LRRC7: variants seen among roughly 807,000 people sequenced by gnomAD.
LRRC7 encodes leucine-rich repeat-containing protein 7.
Under a neutral mutation model 175.7 loss-of-function variants are expected in LRRC7, and 23 were observed. The observed-to-expected ratio is 0.13, with a 90% CI of 0.09 to 0.19. The LOEUF (loss-of-function observed/expected upper bound fraction) is 0.19, where lower values mean the gene tolerates loss of function less well. Among genes scored for constraint, LRRC7 ranks in the 10% least tolerant of loss-of-function variants. The probability of loss-of-function intolerance (pLI) is 1.00; values close to 1 mark genes in which losing one functional copy is unlikely to be tolerated. For synonymous variants in LRRC7, 685 were observed against 680.9 expected (o/e 1.01, Z -0.09); for missense variants, 1,354 against 1,904.7 (o/e 0.71, Z 5.38).
At position 70,122,688 on chromosome 1, in the gene LRRC7, T is replaced by G. The variant is rs1358201962; in HGVS notation, c.*801T>G. ...TAAAGGTCATTGTAGTTAAGTCTTTTTCACCACAAATTTAAGCAGTGGATG... is the reference window on the plus strand; with the variant it reads ...TAAAGGTCATTGTAGTTAAGTCTTTGTCACCACAAATTTAAGCAGTGGATG... On this transcript the variant is annotated 3_prime_UTR_variant, in exon 27 of 27. Coordinates refer to ENST00000651989, the MANE Select transcript of LRRC7 (RefSeq NM_001370785.2). The G allele has an allele frequency of 6.6e-6, 1 of 152,100 alleles. No homozygotes were observed. Among genetic ancestry groups the G allele is most frequent in the African/African-American group, 2.4e-5 (1 of 41,460 alleles). The allele number at this position is 152,100 out of a possible 1,614,324, so 9.4% of individuals were successfully genotyped here.
intron 9 of LRRC7, among the ~76,000 whole-genome samples, chr1:69,985,497 G>A (rs997058548): frequency 6.6e-6 from 1 of 152,126 alleles, no homozygotes. Context: ...CTGCTGCATT[G>A]AGATATAATT....
chr1:69,831,441 A>G (rs1306799308), intron 5 of LRRC7, among the ~76,000 whole-genome samples: 1 of 152,070 alleles, frequency 6.6e-6, no homozygotes, highest in East Asian at 1.9e-4. Flanking sequence ...TCATTTCTAT[A>G]AGATCAAGTT....
intron 13 of LRRC7, chr1:70,013,863 G>A (rs1656739148): frequency 6.6e-6 from 1 of 151,992 alleles, no homozygotes. Flanking sequence ...GCAATGAAAT[G>A]ATCAAAGATT....
chr1:70,054,839 C>T (rs1661027766), intron 23 of LRRC7, among the ~76,000 whole-genome samples: 1 of 101,358 alleles, frequency 9.9e-6, no homozygotes, highest in African/African-American at 3.7e-5. Context: ...ATCCACCCGC[C>T]TCAGCCTCCC....
chr1:69,676,761 G>A (rs1301965299), intron 1 of LRRC7, among the ~76,000 whole-genome samples: 2 of 151,952 alleles, frequency 1.3e-5, no homozygotes, highest in Non-Finnish European at 2.9e-5. Flanking sequence ...TTCCATTCTT[G>A]AAAACTGGTA....
intron 1 of LRRC7, among the ~76,000 whole-genome samples, chr1:69,581,359 G>T (rs1387594961): frequency 6.6e-6 from 1 of 152,126 alleles, no homozygotes; most frequent in Non-Finnish European, 1.5e-5. Context: ...TAGTGGAAAT[G>T]GAAAGAGATA....
chr1:69,690,205 C>T (rs1264102970), intron 2 of LRRC7, among the ~76,000 whole-genome samples: 1 of 152,166 alleles, frequency 6.6e-6, no homozygotes, highest in Non-Finnish European at 1.5e-5. Flanking sequence ...CACTTATTTT[C>T]CTAGCACCTC....
chr1:70,013,652 A>G (rs1229308109), intron 13 of LRRC7, among the ~76,000 whole-genome samples: 1 of 152,004 alleles, frequency 6.6e-6, no homozygotes, highest in Non-Finnish European at 1.5e-5. Context: ...GGGTAAAAAG[A>G]AAAAGTGCAA....
intron 8 of LRRC7, among the ~76,000 whole-genome samples, chr1:69,934,507 GGGGGT>G (rs1647769453): frequency 1.8e-3 from 177 of 98,176 alleles, no homozygotes; most frequent in Non-Finnish European, 2.6e-3. Flanking sequence ...GGGGGGGGCG[GGGGGT>G]GGGGGGTTTT....
At chr1:69,886,683 T>C (rs2101629650) in intron 7 of LRRC7, among the ~76,000 whole-genome samples, 1 of 148,210 alleles carries the variant, frequency 6.7e-6, no homozygotes, top group Non-Finnish European at 1.5e-5. Flanking sequence ...GTGATTTTGC[T>C]CATTAGTTGA....
chr1:70,069,643 C>T (rs778673839), intron 23 of LRRC7, among the ~76,000 whole-genome samples: 5 of 152,102 alleles, frequency 3.3e-5, no homozygotes, highest in Admixed American at 3.3e-4. Context: ...AAGTTTATTT[C>T]TCCTCACCAA....
At chr1:69,725,147 C>T (rs1570522654) in intron 2 of LRRC7, among the ~76,000 whole-genome samples, 1 of 151,836 alleles carries the variant, frequency 6.6e-6, no homozygotes, top group East Asian at 1.9e-4. Context: ...AGAAAAAAGA[C>T]AATGTTATTT....
At chr1:69,743,459 G>A (rs192266799) in intron 2 of LRRC7, among the ~76,000 whole-genome samples, 221 of 152,134 alleles carry the variant, frequency 1.5e-3, no homozygotes, top group African/African-American at 4.6e-3. Context: ...GCAGGAAGAA[G>A]TTGACCATAT....
Position 70,122,863 on chromosome 1 carries a change from T to TAAATTTTTAAATTTAAA in LRRC7, c.*976_*977insAAATTTTTAAATTTAAA, listed in dbSNP as rs1325135913. On this transcript the variant is annotated 3_prime_UTR_variant, in exon 27 of 27. Coordinates refer to ENST00000651989, the MANE Select transcript of LRRC7 (RefSeq NM_001370785.2). ...GCTTTTTAAATTATTTAAAACGAATTTTGGAAATTGATAAAATTTATCATT... is the reference window on the plus strand; with the variant it reads ...GCTTTTTAAATTATTTAAAACGAATTAAATTTTTAAATTTAAATTGGAAATTGATAAAATTTATCATT... 3 of 152,504 alleles carry TAAATTTTTAAATTTAAA rather than the reference T, an allele frequency of 2.0e-5. No homozygotes were observed. Among genetic ancestry groups the TAAATTTTTAAATTTAAA allele is most frequent in the Non-Finnish European group, 4.4e-5 (3 of 67,930 alleles). The allele number at this position is 152,504 out of a possible 1,614,324, so 9.4% of individuals were successfully genotyped here.
chr1:69,762,236 G>T (rs978465420), intron 3 of LRRC7, among the ~76,000 whole-genome samples: 9 of 151,884 alleles, frequency 5.9e-5, no homozygotes, highest in Non-Finnish European at 1.2e-4. Flanking sequence ...GTAAAAACAT[G>T]GTTAATTTAT....
At chr1:70,089,016 A>G (rs909190984) in intron 24 of LRRC7, among the ~76,000 whole-genome samples, 2 of 152,090 alleles carry the variant, frequency 1.3e-5, no homozygotes, top group Non-Finnish European at 2.9e-5. Flanking sequence ...CGTATTGGCC[A>G]TTCTCTTTCC....
At chr1:69,769,311 A>G (rs945286283) in intron 3 of LRRC7, among the ~76,000 whole-genome samples, 4 of 152,330 alleles carry the variant, frequency 2.6e-5, no homozygotes, top group African/African-American at 9.6e-5. Flanking sequence ...ATCAAATAAT[A>G]TAAAGTATGT....
intron 2 of LRRC7, among the ~76,000 whole-genome samples, chr1:69,702,299 A>G (rs1343703023): frequency 6.6e-6 from 1 of 152,192 alleles, no homozygotes; most frequent in Non-Finnish European, 1.5e-5. Context: ...ACACATCATC[A>G]AGTGCATCAG....
chr1:69,894,691 T>G (rs1232090957), intron 7 of LRRC7, among the ~76,000 whole-genome samples: 1 of 152,152 alleles, frequency 6.6e-6, no homozygotes, highest in Non-Finnish European at 1.5e-5. Flanking sequence ...CTACCATTTT[T>G]AAAAACATGG....
Sources: allele counts gnomAD v4.1 joint callset (sites outside exome capture counted in the v4.1 genomes callset), GRCh38; gene constraint gnomAD v4.1.1; transcripts MANE v1.5; gene names NCBI Gene and HGNC (gene_info 2026-07-23, HGNC 2026-07-21).